Variants in SGCZ observed in about 807,000 individuals in gnomAD.
The protein encoded by SGCZ is zeta-sarcoglycan.
Under a neutral mutation model 41.3 loss-of-function variants are expected in SGCZ, and 40 were observed. The observed-to-expected ratio is 0.97, with a 90% confidence interval of 0.75 to 1.26. The LOEUF is 1.26. SGCZ is among the 50% of genes most tolerant of loss of function. The pLI, the probability that SGCZ is intolerant of heterozygous loss-of-function variation, is 0.00. For synonymous variants in SGCZ, 206 were observed against 137.5 expected, an observed-to-expected ratio of 1.50 and a Z score of -3.49; for missense variants, 552 against 369.8, an observed-to-expected ratio of 1.49 and a Z score of -4.04.
intron 2 of SGCZ, among the ~76,000 whole-genome samples, chr8:14,330,778 A>G (rs1439863709): frequency 6.6e-6 from 1 of 152,050 alleles, no homozygotes; most frequent in African/African-American, 2.4e-5. Context: ...AGAGAAATGT[A>G]ATGGCCATAG....
rs140617990 is a variant in SGCZ at position 14,859,944 on chromosome 8, A to T, written c.40-305018T>A. On this transcript the variant is annotated intron_variant, in intron 1 of 7. Coordinates refer to ENST00000382080, the MANE Select transcript of SGCZ (RefSeq NM_139167.4). The stretch of plus-strand genomic sequence containing the variant: ...GTGGTTTCTATGAAAATTGACTCAG[A>T]TGTCTTGAATGACTCTATAATTTTT... Among the ~76,000 whole-genome samples, 560 of 152,320 alleles carry T rather than the reference A, an allele frequency of 3.7e-3. 3 individuals carry two copies. Among genetic ancestry groups the T allele is most frequent in the South Asian group, 0.012 (59 of 4,832 alleles).
At chr8:14,719,750 AT>A (rs1451220587) in intron 1 of SGCZ, among the ~76,000 whole-genome samples, 1 of 151,810 alleles carries the variant, frequency 6.6e-6, no homozygotes, top group African/African-American at 2.4e-5. Flanking sequence ...GATTCTAGAT[AT>A]TAGCCCTTTG....
At chr8:14,387,652 C>G (rs1016695936) in intron 2 of SGCZ, among the ~76,000 whole-genome samples, 1 of 151,884 alleles carries the variant, frequency 6.6e-6, no homozygotes, top group Non-Finnish European at 1.5e-5. Context: ...TTGGATGGCA[C>G]TTTAAAAACA....
At position 14,832,094 on chromosome 8, in the gene SGCZ, G is replaced by A. The variant is rs145112831; in HGVS notation, c.40-277168C>T. Among the ~76,000 whole-genome samples the A allele has an allele frequency of 3.9e-3, 597 of 152,252 alleles. 5 individuals carry two copies. The highest frequency in any genetic ancestry group is 0.014 in the African/African-American group (571 of 41,556). ...AAACGACAATAATAATATCAACTAT[G>A]TTGAAATAGCAATGCCTTCTTAAGT... On this transcript the variant is annotated intron_variant, in intron 1 of 7. Coordinates refer to ENST00000382080, the MANE Select transcript of SGCZ (RefSeq NM_139167.4).
At chr8:14,518,337 A>T (rs891579722) in intron 2 of SGCZ, among the ~76,000 whole-genome samples, 2 of 152,132 alleles carry the variant, frequency 1.3e-5, no homozygotes, top group African/African-American at 4.8e-5. Context: ...ATTGTATGCT[A>T]GTGTGTATGT....
intron 1 of SGCZ, among the ~76,000 whole-genome samples, chr8:14,587,038 C>A (rs1026113985): frequency 4.1e-5 from 6 of 147,106 alleles, no homozygotes; most frequent in East Asian, 2.0e-4. Context: ...AAAAAAAAAA[C>A]AAAATAAACT....
intron 1 of SGCZ, among the ~76,000 whole-genome samples, chr8:14,725,086 A>G (rs1245982703): frequency 6.6e-6 from 1 of 152,182 alleles, no homozygotes; most frequent in African/African-American, 2.4e-5. Context: ...CATATGAGTG[A>G]GAACACACAG....
At chr8:14,401,521 A>C (rs1337583467) in intron 2 of SGCZ, among the ~76,000 whole-genome samples, 1 of 145,256 alleles carries the variant, frequency 6.9e-6, no homozygotes, top group African/African-American at 2.6e-5. Context: ...CCCACCTGTG[A>C]GTGAGAATAT....
At chr8:15,076,608 G>C (rs1211634569) in intron 1 of SGCZ, among the ~76,000 whole-genome samples, 1 of 152,002 alleles carries the variant, frequency 6.6e-6, no homozygotes, top group Non-Finnish European at 1.5e-5. Context: ...GGATTTGGCT[G>C]CCTTCTTTGT....
At chr8:14,967,267 A>G (rs899974132) in intron 1 of SGCZ, among the ~76,000 whole-genome samples, 2 of 152,148 alleles carry the variant, frequency 1.3e-5, no homozygotes, top group Non-Finnish European at 2.9e-5. Flanking sequence ...TCTAATAAAC[A>G]TTACTGATTC....
intron 1 of SGCZ, among the ~76,000 whole-genome samples, chr8:15,071,028 T>C (rs1231219554): frequency 1.3e-5 from 2 of 152,194 alleles, no homozygotes; most frequent in Non-Finnish European, 2.9e-5. Flanking sequence ...AAGCTAGTAA[T>C]ACCTAAGAAG....
At chr8:14,933,309 G>T (rs1465698770) in intron 1 of SGCZ, among the ~76,000 whole-genome samples, 1 of 151,876 alleles carries the variant, frequency 6.6e-6, no homozygotes, top group Non-Finnish European at 1.5e-5. Context: ...TGCAGACAGA[G>T]AAAGAGGACC....
At chr8:14,356,645 C>T (rs949727019) in intron 2 of SGCZ, among the ~76,000 whole-genome samples, 13 of 151,842 alleles carry the variant, frequency 8.6e-5, no homozygotes, top group African/African-American at 3.1e-4. Context: ...AAAATCTTTA[C>T]CCATATGAAG....
intron 1 of SGCZ, among the ~76,000 whole-genome samples, chr8:15,167,394 TAA>T (rs1799698057): frequency 1.3e-5 from 2 of 152,294 alleles, no homozygotes; most frequent in Non-Finnish European, 1.5e-5. Flanking sequence ...CTGTGGTCAG[TAA>T]AGACTGTCAC....
chr8:14,337,461 C>T (rs1204733424), intron 2 of SGCZ, among the ~76,000 whole-genome samples: 3 of 151,972 alleles, frequency 2.0e-5, no homozygotes, highest in Non-Finnish European at 2.9e-5. Context: ...GAGTACTCTC[C>T]TGGGATAAAG....
Position 15,064,237 on chromosome 8 carries a change from A to G in SGCZ, c.39+173348T>C, listed in dbSNP as rs186714686. Among the ~76,000 whole-genome samples, 877 of 152,264 alleles carry G rather than the reference A, an allele frequency of 5.8e-3. 6 individuals carry two copies. Among genetic ancestry groups the G allele is most frequent in the Non-Finnish European group, 9.5e-3 (644 of 68,006 alleles). ...GACATAACTATCTATATTTCTCAGA[A>G]GCACAAAGCCACAAACATATGAAGC... On this transcript the variant is annotated intron_variant, in intron 1 of 7. Transcript: ENST00000382080.
chr8:14,663,008 T>C (rs1442983922), intron 1 of SGCZ, among the ~76,000 whole-genome samples: 2 of 152,098 alleles, frequency 1.3e-5, no homozygotes, highest in South Asian at 2.1e-4. Context: ...AAAACACAAA[T>C]AAACAAGGAA....
intron 1 of SGCZ, among the ~76,000 whole-genome samples, chr8:14,971,687 G>C (rs139790002): frequency 3.2e-5 from 4 of 124,562 alleles, no homozygotes; most frequent in Admixed American, 9.7e-5. Context: ...GTCCTGCTCT[G>C]TCGCCAGGCT....
At chr8:14,434,320 G>C (rs1241407320) in intron 2 of SGCZ, among the ~76,000 whole-genome samples, 3 of 152,154 alleles carry the variant, frequency 2.0e-5, no homozygotes, top group Non-Finnish European at 4.4e-5. Flanking sequence ...TGATCCATTG[G>C]TCTATGTGCC....
Sources: gnomAD v4.1 joint callset for allele counts (sites outside exome capture counted in the v4.1 genomes callset) on GRCh38, gnomAD v4.1.1 for gene constraint, MANE v1.5 for transcripts, NCBI Gene and HGNC (gene_info 2026-07-23, HGNC 2026-07-21) for gene names.